Variants in A2ML1 observed in about 807,000 individuals in gnomAD.
The protein encoded by A2ML1 is alpha-2-macroglobulin-like protein 1.
A neutral mutation model predicts 181.9 loss-of-function variants in A2ML1; 161 were observed. That is an observed-to-expected ratio of 0.89 (90% confidence interval 0.78 to 1.01). A2ML1 has a LOEUF of 1.01. Among genes scored for constraint, A2ML1 ranks in the 50% least tolerant of loss-of-function variants. A2ML1 has a pLI of 0.00. For synonymous variants in A2ML1, 663 were observed against 666.8 expected, an observed-to-expected ratio of 0.99 and a Z score of 0.09; for missense variants, 1,670 against 1,768.1, an observed-to-expected ratio of 0.94 and a Z score of 1.00.
chr12:8,860,390 G>A (rs1944214198), intron 26 of A2ML1, among the ~76,000 whole-genome samples: 1 of 152,182 alleles, frequency 6.6e-6, no homozygotes, highest in African/African-American at 2.4e-5. Context: ...TTTATAGAAT[G>A]AGGATAATAA....
chr12:8,857,992 A>G lies in A2ML1; in HGVS notation c.3154A>G (p.Ile1052Val), dbSNP rs753161669. The change falls in exon 26 of 36, where the codon ATC (isoleucine) becomes GTC (valine). Residue 1052 changes from isoleucine to valine, a missense_variant. Physicochemically the swap from Ile to Val is conservative, Grantham distance 29 (BLOSUM62 3). Coordinates refer to ENST00000299698, the MANE Select transcript of A2ML1 (RefSeq NM_144670.6). Reference sequence around the variant, plus strand: ...ATGCTTTGGCCAAGCTCAGAAATTCATCTTCATTGATCCCAAGAACATCCA... The same window carrying G: ...ATGCTTTGGCCAAGCTCAGAAATTCGTCTTCATTGATCCCAAGAACATCCA... ...TKCFGQAQKF[I>V]FIDPKNIQDA... 170 of 1,614,072 alleles carry G rather than the reference A, an allele frequency of 1.1e-4. No homozygotes were observed. Among genetic ancestry groups the G allele is most frequent in the Non-Finnish European group, 1.4e-4 (165 of 1,180,044 alleles).
At chr12:8,859,548 T>G (rs901608908) in intron 26 of A2ML1, among the ~76,000 whole-genome samples, 2 of 151,822 alleles carry the variant, frequency 1.3e-5, no homozygotes, top group Non-Finnish European at 2.9e-5. Context: ...ATCTCAGAGG[T>G]ATTCTTCCTT....
intron 27 of A2ML1, 50 bp from the exon 28 acceptor site, chr12:8,861,085 A>AT (rs746062997): frequency 1.2e-6 from 2 of 1,609,130 alleles, no homozygotes; most frequent in Non-Finnish European, 1.7e-6. Context: ...ATTACTTGCC[A>AT]TTTTTAAAGG....
chr12:8,838,232 G>A, intron 8 of A2ML1, 104 bp from the exon 9 acceptor site: 1 of 714,734 alleles, frequency 1.4e-6, no homozygotes, highest in Non-Finnish European at 2.4e-6. Context: ...AGAAACTGAA[G>A]TGTGGAGATG....
intron 4 of A2ML1, among the ~76,000 whole-genome samples, chr12:8,831,636 A>G (rs1943114644): frequency 6.6e-6 from 1 of 152,076 alleles, no homozygotes; most frequent in African/African-American, 2.4e-5. Flanking sequence ...AGACAGGGGA[A>G]TTGCAATGAA....
At chr12:8,881,344 G>A (rs1254423013), downstream of A2ML1, among the ~76,000 whole-genome samples, 1 of 152,208 alleles carries the variant, frequency 6.6e-6, no homozygotes, top group African/African-American at 2.4e-5. Context: ...GACCAAGGAA[G>A]TGAGATCTGG....
chr12:8,852,305 C>G lies in A2ML1; in HGVS notation c.2559C>G (p.Thr853=). ...SSCLCADDAK[T]HHWNITAVKL... is the part of the protein sequence containing the mutation. Reference sequence around the variant, plus strand: ...GTCTCTGTGCTGATGACGCAAAAACCCACCACTGGAACATCACAGCTGTCA... The same window carrying G: ...GTCTCTGTGCTGATGACGCAAAAACGCACCACTGGAACATCACAGCTGTCA... Residue 853 remains threonine, a synonymous_variant, in exon 20 of 36, where the codon ACC becomes ACG. Transcript: ENST00000299698. The surrounding 1 kb of genome is among the most constrained non-coding windows in gnomAD (Gnocchi z 4.2). 6.2e-7 allele frequency: 1 copy of G among 1,614,124 alleles called. No individual in the cohort carries two copies. The highest frequency in any genetic ancestry group is 8.5e-7 in the Non-Finnish European group (1 of 1,180,022).
In A2ML1 at chr12:8,848,724, A is replaced by T. The variant is rs1943786651; in HGVS notation, c.1838A>T (p.Tyr613Phe). 6.2e-7 allele frequency: 1 copy of T among 1,602,054 alleles called. No individual in the cohort carries two copies. The highest frequency in any genetic ancestry group is 8.5e-7 in the Non-Finnish European group (1 of 1,174,326). The change falls in exon 16 of 36, where the codon TAT (tyrosine) becomes TTT (phenylalanine). Residue 613 changes from tyrosine to phenylalanine, a missense_variant. Physicochemically the swap from Tyr to Phe is conservative, Grantham distance 22. Coordinates refer to ENST00000299698, the MANE Select transcript of A2ML1 (RefSeq NM_144670.6). The stretch of plus-strand genomic sequence containing the variant: ...CCTCTCCCCCTCTTGTCCCAGGTCT[A>T]TGGGATGTTTCCATTCTGGTATGGT... The part of the protein sequence containing the change: ...PDRELSNRSV[Y>F]GMFPFWYGHY...
At chr12:8,877,473 C>G (rs187907439), downstream of A2ML1, among the ~76,000 whole-genome samples, 31 of 152,210 alleles carry the variant, frequency 2.0e-4, no homozygotes, top group East Asian at 4.8e-3. Context: ...CTATAAGGAA[C>G]TTAAACAAAT....
At chr12:8,865,287 C>A (rs7975717) in intron 29 of A2ML1, among the ~76,000 whole-genome samples, 94 of 2,854 alleles carry the variant, frequency 0.033, 29 homozygotes, top group East Asian at 1. Context: ...TGCCTGTAAT[C>A]CCAGTGCTTT....
chr12:8,870,256 C>A (rs962931313), intron 33 of A2ML1, among the ~76,000 whole-genome samples: 1 of 151,574 alleles, frequency 6.6e-6, no homozygotes, highest in East Asian at 1.9e-4. Context: ...TTGTGTGAGC[C>A]GTGTATAGTT....
chr12:8,845,883 AT>A lies in A2ML1; in HGVS notation c.1538-193del, dbSNP rs376508255. ...AAAAAAATAAATAAAATAAAATAAA[AT>A]AAAATAAAAAAATTCTTATCCACAG... On this transcript the variant is annotated intron_variant, in intron 13 of 35. Coordinates refer to ENST00000299698, the MANE Select transcript of A2ML1 (RefSeq NM_144670.6). 6.6e-3 allele frequency among the ~76,000 whole-genome samples: 705 copies of A among 106,636 alleles called. 45 individuals carry two copies. Among genetic ancestry groups the A allele is most frequent in the African/African-American group, 0.029 (667 of 23,162 alleles). The allele number at this position is 106,636 out of a possible 152,430, so 70.0% of individuals were successfully genotyped here.
intron 10 of A2ML1, among the ~76,000 whole-genome samples, chr12:8,839,930 A>G (rs1943411115): frequency 6.6e-6 from 1 of 151,992 alleles, no homozygotes; most frequent in Admixed American, 6.5e-5. Flanking sequence ...TATTTTTAGT[A>G]GAGATGGGGT....
intron 7 of A2ML1, among the ~76,000 whole-genome samples, chr12:8,836,726 C>T (rs1464026673): frequency 1.3e-5 from 2 of 152,172 alleles, no homozygotes; most frequent in South Asian, 2.1e-4. Flanking sequence ...TCAGGTGATC[C>T]GCCCACCTTG....
chr12:8,838,914 T>TA lies in A2ML1; in HGVS notation c.971-177dup, dbSNP rs11314317. 0.022 allele frequency among the ~76,000 whole-genome samples: 2,382 copies of TA among 110,608 alleles called. 53 individuals are homozygous for TA. Among genetic ancestry groups the TA allele is most frequent in the African/African-American group, 0.054 (1,603 of 29,736 alleles). The allele number at this position is 110,608 out of a possible 152,430, so 72.6% of individuals were successfully genotyped here. A position where few individuals can be genotyped will look rare whatever the true frequency, so the allele number is the denominator to read the frequency against. On this transcript the variant is annotated intron_variant, in intron 9 of 35. Transcript: ENST00000299698. ...TGGGCAACAGAGCGAGACTCCATCTTAAAAAAAAAAAAAAAAAAAAAAGAA... is the reference window on the plus strand; with the variant it reads ...TGGGCAACAGAGCGAGACTCCATCTTAAAAAAAAAAAAAAAAAAAAAAAGAA...
Position 8,851,964 on chromosome 12 carries a change from C to T in A2ML1, c.2415C>T (p.Ser805=), listed in dbSNP as rs1943907654. Residue 805 remains serine, a synonymous_variant, in exon 19 of 36, where the codon TCC becomes TCT. Transcript: ENST00000299698. ...CTTACTCAGTAGTCCGTGGGGAATCCTTTCGTCTTACTGCCACCATCTTCA... is the reference window on the plus strand; with the variant it reads ...CTTACTCAGTAGTCCGTGGGGAATCTTTTCGTCTTACTGCCACCATCTTCA... ...TLPYSVVRGE[S]FRLTATIFNY... 6.2e-7 allele frequency: 1 copy of T among 1,614,022 alleles called. No homozygotes were observed. Among genetic ancestry groups the T allele is most frequent in the African/African-American group, 1.3e-5 (1 of 74,898 alleles).
At chr12:8,866,445 G>A (rs1011428825) in intron 29 of A2ML1, among the ~76,000 whole-genome samples, 3 of 151,154 alleles carry the variant, frequency 2.0e-5, no homozygotes, top group Non-Finnish European at 1.5e-5. Flanking sequence ...ACTCCTTCTT[G>A]CTCGGTCCTG....
chr12:8,857,866 C>T (rs1395821258), intron 25 of A2ML1, 80 bp from the exon 26 acceptor site: 17 of 1,557,176 alleles, frequency 1.1e-5, no homozygotes, highest in Middle Eastern at 1.7e-4. Flanking sequence ...TGGAAGTATA[C>T]ACCCAAATAA....
chr12:8,831,228 A>C (rs957957518), intron 4 of A2ML1, among the ~76,000 whole-genome samples: 1 of 152,118 alleles, frequency 6.6e-6, no homozygotes, highest in Admixed American at 6.5e-5. Context: ...TTGGGATTAT[A>C]GGCCTGAGCC....
Sources: gnomAD v4.1 joint callset for allele counts (sites outside exome capture counted in the v4.1 genomes callset) on GRCh38, gnomAD v4.1.1 for gene constraint, Gnocchi (gnomAD v3.1) non-coding constraint, MANE v1.5 for transcripts, NCBI Gene and HGNC (gene_info 2026-07-23, HGNC 2026-07-21) for gene names.